Variants in SNX18 observed in about 807,000 individuals in gnomAD.
The protein encoded by SNX18 is sorting nexin 18.
Under a neutral mutation model 48.7 loss-of-function variants are expected in SNX18, and 35 were observed. The ratio of observed to expected loss-of-function variants is 0.72; its 90% confidence interval spans 0.55 to 0.95. SNX18 has a LOEUF of 0.95. Ranked by LOEUF, SNX18 falls within the 40% of genes least tolerant of loss-of-function variation. The probability of loss-of-function intolerance (pLI) is 0.00; values close to 1 mark genes in which losing one functional copy is unlikely to be tolerated. For missense variants in SNX18, 824 were observed against 871.0 expected, an observed-to-expected ratio of 0.95 and a Z score of 0.68; for synonymous variants, 492 against 384.7, an observed-to-expected ratio of 1.28 and a Z score of -3.26.
At chr5:54,618,653 A>G in the SNX18 span, among the ~76,000 whole-genome samples, 268 of 152,366 alleles carry the variant, frequency 1.8e-3, 1 homozygote, top group Non-Finnish European at 3.4e-3. Context: ...AAGTTACTAA[A>G]TGAAACTGGT....
downstream of SNX18, among the ~76,000 whole-genome samples, chr5:54,548,267 GC>G (rs71877176): frequency 0.013 from 1,927 of 152,304 alleles, 32 homozygotes; most frequent in African/African-American, 0.042. Flanking sequence ...GAAGCCACCT[GC>G]CAAGGGAGCT....
chr5:54,623,560 C>G, the SNX18 span, among the ~76,000 whole-genome samples: 1 of 151,994 alleles, frequency 6.6e-6, no homozygotes. Context: ...AGGGAACTAA[C>G]AGGTACCACA....
the SNX18 span, among the ~76,000 whole-genome samples, chr5:54,591,770 T>C: frequency 6.6e-6 from 1 of 152,240 alleles, no homozygotes; most frequent in African/African-American, 2.4e-5. Context: ...GAGCAGTGCA[T>C]ACAAATGTGT....
chr5:54,595,688 A>G, the SNX18 span, among the ~76,000 whole-genome samples: 4 of 152,138 alleles, frequency 2.6e-5, no homozygotes, highest in Non-Finnish European at 4.4e-5. Flanking sequence ...TTCCAATGGG[A>G]CACACGTTGT....
the SNX18 span, among the ~76,000 whole-genome samples, chr5:54,601,759 GT>G: frequency 6.6e-6 from 1 of 152,010 alleles, no homozygotes; most frequent in East Asian, 1.9e-4. Context: ...ACTCTACTCA[GT>G]TTCTCCTCAC....
At position 54,518,085 on chromosome 5, in the gene SNX18, C is replaced by G; in HGVS notation, c.133C>G (p.Arg45Gly). ...IEGWLEGVNS[R>G]GDRGLFPASY... The stretch of plus-strand genomic sequence containing the variant: ...GGGCTGGCTCGAGGGGGTCAACAGC[C>G]GCGGCGACCGCGGCCTCTTCCCGGC... Residue 45 changes from arginine to glycine, a missense_variant, in exon 1 of 2, where the codon CGC (arginine) becomes GGC (glycine). Around this residue, in one of 3 missense-constraint regions of SNX18, gnomAD observed 377 missense variants for 350.6 expected, o/e 1.08. Transcript: ENST00000381410. 1 of 1,527,338 alleles carries G rather than the reference C, an allele frequency of 6.5e-7. No individual in the cohort carries two copies. Among genetic ancestry groups the G allele is most frequent in the Non-Finnish European group, 8.7e-7 (1 of 1,143,340 alleles). The allele number at this position is 1,527,338 out of a possible 1,614,324, so 94.6% of individuals were successfully genotyped here.
Position 54,518,669 on chromosome 5 carries a change from CGG to C in SNX18, c.720_721del (p.Glu241GlyfsTer110). 1 of 1,561,532 alleles carries C rather than the reference CGG, an allele frequency of 6.4e-7. No homozygotes were observed. ...GCTTCTCCACCTTCGTCAAGTCCGG[CGG>C]GGAGGCCTTCGTGCTGGGGGAGGCG... The part of the protein sequence containing the change: ...NRFSTFVKSG[G>X]EAFVLGEASG... On this transcript the variant is annotated frameshift_variant, in exon 1 of 2. Coordinates refer to ENST00000381410, the MANE Select transcript of SNX18 (RefSeq NM_001102575.2). LOFTEE classifies it high-confidence loss of function.
At chr5:54,572,924 C>T in the SNX18 span, among the ~76,000 whole-genome samples, 1 of 149,498 alleles carries the variant, frequency 6.7e-6, no homozygotes, top group Non-Finnish European at 1.5e-5. Flanking sequence ...CTGTCAGTGG[C>T]GTTTGAACAA....
At chr5:54,598,117 T>C in the SNX18 span, among the ~76,000 whole-genome samples, 1 of 152,258 alleles carries the variant, frequency 6.6e-6, no homozygotes. Flanking sequence ...GCAAATAAAC[T>C]AGGAAATCTA....
chr5:54,578,756 G>C, the SNX18 span, among the ~76,000 whole-genome samples: 3 of 152,086 alleles, frequency 2.0e-5, no homozygotes, highest in Admixed American at 2.0e-4. Context: ...AGATGACCCC[G>C]GATCCTTAGG....
At chr5:54,564,640 T>G in the SNX18 span, among the ~76,000 whole-genome samples, 2 of 152,188 alleles carry the variant, frequency 1.3e-5, no homozygotes, top group Admixed American at 6.5e-5. Flanking sequence ...GTGGATCACC[T>G]GAGGTCAGGA....
chr5:54,564,344 A>G, the SNX18 span, among the ~76,000 whole-genome samples: 1 of 152,238 alleles, frequency 6.6e-6, no homozygotes, highest in Non-Finnish European at 1.5e-5. Context: ...TCTCCAAATA[A>G]ATACAGCCTA....
At chr5:54,591,660 G>A in the SNX18 span, among the ~76,000 whole-genome samples, 2 of 152,318 alleles carry the variant, frequency 1.3e-5, no homozygotes, top group South Asian at 2.1e-4. Context: ...AGTAGAAAGA[G>A]AAATATCTTT....
chr5:54,620,183 G>T, the SNX18 span, among the ~76,000 whole-genome samples: 1 of 152,018 alleles, frequency 6.6e-6, no homozygotes, highest in Non-Finnish European at 1.5e-5. Context: ...TTTTGCAAGG[G>T]TTTATTTACA....
At chr5:54,542,255 C>A (rs958857299) in intron 1 of SNX18, among the ~76,000 whole-genome samples, 1 of 152,152 alleles carries the variant, frequency 6.6e-6, no homozygotes, top group Non-Finnish European at 1.5e-5. Flanking sequence ...GGAGGGCCTG[C>A]GTTCGTATGG....
chr5:54,613,204 AG>A, the SNX18 span, among the ~76,000 whole-genome samples: 1 of 152,220 alleles, frequency 6.6e-6, no homozygotes, highest in Non-Finnish European at 1.5e-5. Flanking sequence ...CTCTGCCTAT[AG>A]GGATTATCTT....
At chr5:54,520,627 A>C (rs139255694) in intron 1 of SNX18, 1 of 166,760 alleles carries the variant, frequency 6.0e-6, no homozygotes, top group East Asian at 1.9e-4. Flanking sequence ...TTTATGAGCA[A>C]CCCTGATCTC....
downstream of SNX18, among the ~76,000 whole-genome samples, chr5:54,550,936 C>T (rs1049800705): frequency 8.6e-5 from 13 of 150,974 alleles, no homozygotes; most frequent in African/African-American, 3.2e-4. Context: ...AGCAAGGCAA[C>T]ATTGTTTGCT....
the SNX18 span, among the ~76,000 whole-genome samples, chr5:54,600,432 G>C: frequency 6.6e-6 from 1 of 152,142 alleles, no homozygotes; most frequent in African/African-American, 2.4e-5. Context: ...ATTCCTCAAA[G>C]AGCTAGAACC....
Sources: allele counts gnomAD v4.1 joint callset (sites outside exome capture counted in the v4.1 genomes callset), GRCh38; gene constraint gnomAD v4.1.1; regional missense constraint gnomAD v4.1.1; transcripts MANE v1.5; gene names NCBI Gene and HGNC (gene_info 2026-07-23, HGNC 2026-07-21).